TSC1: variants seen among roughly 807,000 people sequenced by gnomAD.
TSC1 encodes hamartin.
TSC1 carries 20 observed loss-of-function variants against 124.3 expected under a neutral mutation model. That is an observed-to-expected ratio of 0.16 (90% CI 0.11 to 0.23). The LOEUF (loss-of-function observed/expected upper bound fraction) is 0.23. Ranked by LOEUF, TSC1 falls within the 10% of genes least tolerant of loss-of-function variation. The pLI is 1.00. For missense variants in TSC1, 1,124 were observed against 1,448.5 expected, an observed-to-expected ratio of 0.78 and a Z score of 3.64; for synonymous variants, 493 against 539.1, an observed-to-expected ratio of 0.91 and a Z score of 1.19.
intron 15 of TSC1, 87 bp from the exon 16 acceptor site, chr9:132,904,541 C>G: frequency 7.4e-7 from 1 of 1,344,672 alleles, no homozygotes; most frequent in Non-Finnish European, 1.1e-6. Flanking sequence ...AAAGTTAGAT[C>G]ACTTCCTTGT....
In TSC1 at chr9:132,925,680, G is replaced by A. The variant is rs142325036; in HGVS notation, c.270C>T (p.Leu90=). The change falls in exon 5 of 23, where the codon CTC becomes CTT. Residue 90 remains leucine, a synonymous_variant. Coordinates refer to ENST00000298552, the MANE Select transcript of TSC1 (RefSeq NM_000368.5). The part of the protein sequence containing the change: ...VGKAATRLSI[L]SLLGHVIRLQ... ...GTCTTATGACATGACCCAGTAACGAGAGGATGGATAAACGAGTGGCGGCTT... is the reference window on the plus strand; with the variant it reads ...GTCTTATGACATGACCCAGTAACGAAAGGATGGATAAACGAGTGGCGGCTT... 24 of 1,614,226 alleles carry A rather than the reference G, an allele frequency of 1.5e-5. No individual in the cohort carries two copies. In the East Asian group the frequency reaches 5.1e-4, roughly 34 times the overall value.
rs1564503304 is a variant in TSC1 at position 132,927,255 on chromosome 9, G to C, written c.156C>G (p.Thr52=). 1 of 1,614,056 alleles carries C rather than the reference G, an allele frequency of 6.2e-7. No individual in the cohort carries two copies. The highest frequency in any genetic ancestry group is 8.5e-7 in the Non-Finnish European group (1 of 1,179,956). ...VNTLVDYYLE[T]SSQPALHILT... ...GGATGTGCAATGCCGGCTGAGAGCT[G>C]GTTTCCAGGTAATAATCCACCAAGG... The change falls in exon 4 of 23, where the codon ACC becomes ACG. Residue 52 remains threonine, a synonymous_variant. Coordinates refer to ENST00000298552, the MANE Select transcript of TSC1 (RefSeq NM_000368.5).
chr9:132,896,126 AC>A lies in TSC1; in HGVS notation c.*108del. ...CAAAGGACCTCCGTCCCATTTCCAC[AC>A]ATGAACTTGCACTCAGACCCTGGAA... On this transcript the variant is annotated 3_prime_UTR_variant, in exon 23 of 23. Coordinates refer to ENST00000298552, the MANE Select transcript of TSC1 (RefSeq NM_000368.5). The surrounding 1 kb of genome is among the most constrained non-coding windows in gnomAD (Gnocchi z 4.5). 6.6e-7 allele frequency: 1 copy of A among 1,526,558 alleles called. No homozygotes were observed. Among genetic ancestry groups the A allele is most frequent in the South Asian group, 1.1e-5 (1 of 88,422 alleles). The allele number at this position is 1,526,558 out of a possible 1,614,324, so 94.6% of individuals were successfully genotyped here.
At chr9:132,901,748 G>A (rs761332406) in intron 18 of TSC1, 49 bp from the exon 19 acceptor site, 2 of 1,568,640 alleles carry the variant, frequency 1.3e-6, no homozygotes, top group South Asian at 2.2e-5. Context: ...CAACAGGCCA[G>A]ATCACAGGCC....
chr9:132,911,240 G>T, intron 10 of TSC1, 127 bp from the exon 11 acceptor site: 1 of 863,072 alleles, frequency 1.2e-6, no homozygotes, highest in Non-Finnish European at 2.0e-6. Context: ...CTTATTAAAA[G>T]CGTATCAAGA....
intron 15 of TSC1, among the ~76,000 whole-genome samples, chr9:132,905,172 AC>A: frequency 6.7e-6 from 1 of 149,178 alleles, no homozygotes. Flanking sequence ...GAACTATGAT[AC>A]CAAAATAGAA....
Position 132,923,681 on chromosome 9 carries a change from C to T in TSC1, c.364-189G>A, listed in dbSNP as rs940453949. 1.0e-5 allele frequency: 8 copies of T among 768,802 alleles called. No homozygotes were observed. In the East Asian group the frequency reaches 2.2e-4, roughly 21 times the overall value. 47.6% of individuals were successfully genotyped at this position (768,802 alleles called of 1,614,324 possible). A position where few individuals can be genotyped will look rare whatever the true frequency, so the allele number is the denominator to read the frequency against. ...CAAACAGACTCAACAGAACACTGAGCCCCAACTCTACTGTAATGAGTCAGT... is the reference window on the plus strand; with the variant it reads ...CAAACAGACTCAACAGAACACTGAGTCCCAACTCTACTGTAATGAGTCAGT... On this transcript the variant is annotated intron_variant, in intron 5 of 22. Transcript: ENST00000298552. This position sits in a 1 kb window ranked among gnomAD's most constrained non-coding sequence, Gnocchi z 4.2.
chr9:132,934,510 G>C (rs1847359871), intron 2 of TSC1: 1 of 152,286 alleles, frequency 6.6e-6, no homozygotes, highest in African/African-American at 2.4e-5. Flanking sequence ...GAATCACCTG[G>C]AGAGCTTACA....
rs764979889 is a variant in TSC1 at position 132,896,696 on chromosome 9, A to T, written c.3034T>A (p.Ser1012Thr). ...GTCTTGGTCTCACCGTTGTGGCCAG[A>T]TGCCTCTTCATTGTGCCCTACCATG... ...DSMVGHNEEA[S>T]GHNGETKTPR... is the part of the protein sequence containing the mutation. The change falls in exon 23 of 23, where the codon TCT (serine) becomes ACT (threonine). Residue 1012 changes from serine (S) to threonine (T), a missense_variant. Transcript: ENST00000298552. This position sits in a 1 kb window ranked among gnomAD's most constrained non-coding sequence, Gnocchi z 4.5. 3 of 1,613,950 alleles carry T rather than the reference A, an allele frequency of 1.9e-6. No individual in the cohort carries two copies. The South Asian group carries it at 3.3e-5, about 18-fold the overall frequency.
chr9:132,924,768 A>G (rs758536325), intron 5 of TSC1: 18 of 152,218 alleles, frequency 1.2e-4, no homozygotes, highest in Non-Finnish European at 2.1e-4. Flanking sequence ...TCTGAATTAA[A>G]TGCATGTTTT....
At position 132,904,400 on chromosome 9, in the gene TSC1, A is replaced by G; in HGVS notation, c.2041+11T>C. The G allele has an allele frequency of 6.2e-7, 1 of 1,613,916 alleles. No individual in the cohort carries two copies. Among genetic ancestry groups the G allele is most frequent in the South Asian group, 1.1e-5 (1 of 91,038 alleles). On this transcript the variant is annotated intron_variant, in intron 16 of 22. Transcript: ENST00000298552. ...TGTGGGCTGGATTTGGAGCTAAAGTAACAACTTTACCTCCAAAGTGGGTCC... is the reference window on the plus strand; with the variant it reads ...TGTGGGCTGGATTTGGAGCTAAAGTGACAACTTTACCTCCAAAGTGGGTCC...
Position 132,913,967 on chromosome 9 carries a change from C to T in TSC1, c.738-1510G>A, listed in dbSNP as rs1218049471. On this transcript the variant is annotated intron_variant, in intron 8 of 22. Coordinates refer to ENST00000298552, the MANE Select transcript of TSC1 (RefSeq NM_000368.5). Reference sequence around the variant, plus strand: ...AGGCTGGAGTTCAGTGGCGCAATCTCGACTCACTGCAACCTCCACCTTCTG... The same window carrying T: ...AGGCTGGAGTTCAGTGGCGCAATCTTGACTCACTGCAACCTCCACCTTCTG... Among the ~76,000 whole-genome samples the T allele has an allele frequency of 3.7e-5, 5 of 133,660 alleles. No homozygotes were observed. In the Admixed American group the frequency reaches 4.0e-4, roughly 11 times the overall value. The allele number at this position is 133,660 out of a possible 152,430, so 87.7% of individuals were successfully genotyped here.
In TSC1 at chr9:132,902,901, C is replaced by T. The variant is rs1845462143; in HGVS notation, c.2209-114G>A. 7.3e-7 allele frequency: 1 copy of T among 1,366,400 alleles called. No individual in the cohort carries two copies. The highest frequency in any genetic ancestry group is 1.8e-5 in the Admixed American group (1 of 57,138). 84.6% of individuals were successfully genotyped at this position (1,366,400 alleles called of 1,614,324 possible). A position where few individuals can be genotyped will look rare whatever the true frequency, so the allele number is the denominator to read the frequency against. ...TAAGCTACCCTGAAAATGTAACTAA[C>T]TACAGACCAAAACTCTTAGAGCTCA... On this transcript the variant is annotated intron_variant, in intron 17 of 22. Coordinates refer to ENST00000298552, the MANE Select transcript of TSC1 (RefSeq NM_000368.5). The surrounding 1 kb of genome is among the most constrained non-coding windows in gnomAD (Gnocchi z 5.2).
chr9:132,938,018 G>A (rs1847553297), intron 1 of TSC1, among the ~76,000 whole-genome samples: 1 of 152,136 alleles, frequency 6.6e-6, no homozygotes, highest in African/African-American at 2.4e-5. Flanking sequence ...CCCCTGCCAA[G>A]CAGAGTGTTT....
At chr9:132,930,864 T>C (rs1233822442) in intron 2 of TSC1, among the ~76,000 whole-genome samples, 2 of 152,084 alleles carry the variant, frequency 1.3e-5, no homozygotes, top group Non-Finnish European at 2.9e-5. Flanking sequence ...TACAAGTAAA[T>C]CACATAGGAA....
chr9:132,895,872 G>A lies in TSC1; in HGVS notation c.*363C>T. On this transcript the variant is annotated 3_prime_UTR_variant, in exon 23 of 23. Transcript: ENST00000298552. Reference sequence around the variant, plus strand: ...TATCTGAACTTCGGGAAAGCAGAAAGTGGTGTGTTAGACTCAAAGATTAAA... The same window carrying A: ...TATCTGAACTTCGGGAAAGCAGAAAATGGTGTGTTAGACTCAAAGATTAAA... The A allele has an allele frequency of 2.8e-6, 1 of 353,912 alleles. No homozygotes were observed. The highest frequency in any genetic ancestry group is 4.2e-5 in the South Asian group (1 of 23,880). 21.9% of individuals were successfully genotyped at this position (353,912 alleles called of 1,614,324 possible). A position where few individuals can be genotyped will look rare whatever the true frequency, so the allele number is the denominator to read the frequency against.
At position 132,902,675 on chromosome 9, in the gene TSC1, T is replaced by C. The variant is rs2131733177; in HGVS notation, c.2321A>G (p.Lys774Arg). 6.2e-7 allele frequency: 1 copy of C among 1,614,210 alleles called. No homozygotes were observed. The highest frequency in any genetic ancestry group is 1.1e-5 in the South Asian group (1 of 91,080). The change falls in exon 18 of 23, where the codon AAG becomes AGG. Residue 774 changes from lysine (K) to arginine (R), a missense_variant. Lys to Arg is a conservative substitution (Grantham distance 26). Transcript: ENST00000298552. This position sits in a 1 kb window ranked among gnomAD's most constrained non-coding sequence, Gnocchi z 5.2. ...LQEQRDTMVT[K>R]LHSQIRQLQH... ...CAGCTGTCTGATCTGGCTGTGGAGCTTGGTTACCATAGTGTCACGCTGCTC... is the reference window on the plus strand; with the variant it reads ...CAGCTGTCTGATCTGGCTGTGGAGCCTGGTTACCATAGTGTCACGCTGCTC...
rs1328977491 is a variant in TSC1, at chr9:132,895,092, A to G, written c.*1143T>C. 8.6e-6 allele frequency: 2 copies of G among 233,064 alleles called. No individual in the cohort carries two copies. Among genetic ancestry groups the G allele is most frequent in the Non-Finnish European group, 1.7e-5 (2 of 117,736 alleles). The allele number at this position is 233,064 out of a possible 1,614,324, so 14.4% of individuals were successfully genotyped here. A position where few individuals can be genotyped will look rare whatever the true frequency, so the allele number is the denominator to read the frequency against. On this transcript the variant is annotated 3_prime_UTR_variant, in exon 23 of 23. Transcript: ENST00000298552. ...TTACTAACATGGAGAGTGTGATGAC[A>G]TCAGCTCCCTGGAGAGTCAGCCCCT...
At position 132,902,678 on chromosome 9, in the gene TSC1, G is replaced by T. The variant is rs1295892331; in HGVS notation, c.2318C>A (p.Thr773Asn). The T allele has an allele frequency of 6.2e-7, 1 of 1,614,164 alleles. No homozygotes were observed. The change falls in exon 18 of 23, where the codon ACC becomes AAC. Residue 773 changes from threonine (T) to asparagine (N), a missense_variant. Thr to Asn is a moderately conservative substitution (Grantham distance 65). Transcript: ENST00000298552. The surrounding 1 kb of genome is among the most constrained non-coding windows in gnomAD (Gnocchi z 5.2). ...QLQEQRDTMV[T>N]KLHSQIRQLQ... ...CTGTCTGATCTGGCTGTGGAGCTTG[G>T]TTACCATAGTGTCACGCTGCTCCTG...
Sources: gnomAD v4.1 joint callset for allele counts (sites outside exome capture counted in the v4.1 genomes callset) on GRCh38, gnomAD v4.1.1 for gene constraint, Gnocchi (gnomAD v3.1) non-coding constraint, MANE v1.5 for transcripts, NCBI Gene and HGNC (gene_info 2026-07-23, HGNC 2026-07-21) for gene names.